The following LINGO1 variants were observed in gnomAD, a reference collection of about 807,000 sequenced individuals.
LINGO1 encodes leucine-rich repeat and immunoglobulin-like domain-containing nogo receptor-interacting protein 1.
A neutral mutation model predicts 37.3 loss-of-function variants in LINGO1; 11 were observed. The observed-to-expected ratio is 0.29, with a 90% CI of 0.19 to 0.49. LINGO1 has a LOEUF of 0.49. LINGO1 is among the 20% of genes least tolerant of loss of function. The pLI is 0.99. For missense variants in LINGO1, 585 were observed against 878.2 expected, an observed-to-expected ratio of 0.67 and a Z score of 4.22; for synonymous variants, 387 against 403.0, an observed-to-expected ratio of 0.96 and a Z score of 0.48.
At chr15:77,734,324 G>A (rs900531022) in intron 2 of LINGO1, among the ~76,000 whole-genome samples, 3 of 151,948 alleles carry the variant, frequency 2.0e-5, no homozygotes, top group Admixed American at 6.6e-5. Flanking sequence ...GGGAGAGCAT[G>A]GAATTTTTTT....
upstream of LINGO1, among the ~76,000 whole-genome samples, chr15:77,697,131 C>A (rs528744700): frequency 1.3e-5 from 2 of 152,188 alleles, no homozygotes; most frequent in Admixed American, 1.3e-4. Context: ...GCAATAGAGC[C>A]GGGGCTCAGT....
At chr15:77,815,164 C>CTA (rs1395694306) in intron 1 of LINGO1, among the ~76,000 whole-genome samples, 1 of 152,238 alleles carries the variant, frequency 6.6e-6, no homozygotes, top group East Asian at 1.9e-4. Flanking sequence ...GTGGCAGCTG[C>CTA]TATCCCTCCT....
Position 77,615,171 on chromosome 15 carries a change from T to C in LINGO1, c.736A>G (p.Ile246Val), listed in dbSNP as rs1340203362. 1.2e-6 allele frequency: 2 copies of C among 1,613,640 alleles called. No individual in the cohort carries two copies. The highest frequency in any genetic ancestry group is 1.7e-6 in the Non-Finnish European group (2 of 1,179,788). The change falls in exon 2 of 2, where the codon ATC (isoleucine) becomes GTC (valine). Residue 246 changes from isoleucine (I) to valine (V), a missense_variant. Transcript: ENST00000355300. ...GTGTCCAAGTAGGGCCAGTGGGAGA[T>C]CTCCAAGACCTTGAGTCGGTACAGC... Reference protein sequence around the residue: ...KRLYRLKVLEISHWPYLDTMT... With the variant: ...KRLYRLKVLEVSHWPYLDTMT...
At position 77,642,123 on chromosome 15, in the gene LINGO1, C is replaced by T. The variant is rs1340478748; in HGVS notation, c.-12-26223G>A. Among the ~76,000 whole-genome samples, 5 of 152,188 alleles carry T rather than the reference C, an allele frequency of 3.3e-5. No individual in the cohort carries two copies. In the South Asian group the frequency reaches 8.3e-4, roughly 25 times the overall value. On this transcript the variant is annotated intron_variant, in intron 3 of 3. Transcript: ENST00000559893. ...GCGCTCCTCCACCTCTGCCTTCCAC[C>T]CCCATATCTCAGGGGCTCCTAATTA... is the stretch of plus-strand genomic sequence containing the variant.
intron 1 of LINGO1, among the ~76,000 whole-genome samples, chr15:77,799,623 G>T (rs1238315741): frequency 6.6e-6 from 1 of 152,134 alleles, no homozygotes; most frequent in African/African-American, 2.4e-5. Context: ...TTAGGTCCTT[G>T]CCCTTTCTCT....
At chr15:77,722,839 A>C (rs1010915116) in intron 2 of LINGO1, among the ~76,000 whole-genome samples, 2 of 152,164 alleles carry the variant, frequency 1.3e-5, no homozygotes, top group African/African-American at 4.8e-5. Context: ...AGGGCACCCG[A>C]TGGATGCTCA....
chr15:77,801,739 G>C (rs2141463882), intron 1 of LINGO1, among the ~76,000 whole-genome samples: 1 of 152,246 alleles, frequency 6.6e-6, no homozygotes, highest in East Asian at 1.9e-4. Context: ...GCCCCTTCTG[G>C]AAACACTAGG....
Position 77,717,729 on chromosome 15 carries a change from T to A in LINGO1, c.-195+17263A>T, listed in dbSNP as rs910862535. Among the ~76,000 whole-genome samples, 23 of 150,696 alleles carry A rather than the reference T, an allele frequency of 1.5e-4. 1 individual carries two copies. The highest frequency in any genetic ancestry group is 5.5e-4 in the African/African-American group (23 of 41,500). On this transcript the variant is annotated intron_variant, in intron 2 of 3. Transcript: ENST00000561686. ...CCCCACCAAGCCCAGGCCCGGGCTG[T>A]TCTGCACAGGAGGGAGCCTCAGCAG...
intron 1 of LINGO1, among the ~76,000 whole-genome samples, chr15:77,805,216 G>A (rs1044250410): frequency 7.2e-5 from 11 of 152,334 alleles, no homozygotes; most frequent in Non-Finnish European, 1.0e-4. Context: ...TCAAATGCAG[G>A]CCTGCGGTGT....
At chr15:77,683,717 G>T (rs940273197) in intron 2 of LINGO1, among the ~76,000 whole-genome samples, 1 of 152,100 alleles carries the variant, frequency 6.6e-6, no homozygotes, top group Non-Finnish European at 1.5e-5. Flanking sequence ...CAGGCCAACA[G>T]CAGTGGGACA....
intron 1 of LINGO1, among the ~76,000 whole-genome samples, chr15:77,628,901 C>T (rs192577077): frequency 1.0e-3 from 156 of 152,292 alleles, no homozygotes; most frequent in African/African-American, 3.6e-3. Flanking sequence ...TCTGCACCTA[C>T]CACCTACAAG....
rs1199214653 is a variant in LINGO1 at position 77,664,382 on chromosome 15, T to C, written c.-13+12707A>G. ...ACCAGGAGCTGGTGCCCCAGGCCTG[T>C]CTGTTATGGGAAGGCCCCAGGCCTT... On this transcript the variant is annotated intron_variant, in intron 3 of 3. Transcript: ENST00000559893. Among the ~76,000 whole-genome samples, 5 of 151,650 alleles carry C rather than the reference T, an allele frequency of 3.3e-5. No individual in the cohort carries two copies. In the East Asian group the frequency reaches 5.9e-4, roughly 18 times the overall value.
chr15:77,626,834 A>G lies in LINGO1; in HGVS notation c.6+5476T>C, dbSNP rs568636530. ...CATGGGAGGCATGCAAGCTGAGACCATGGATCAAGGCTACTGCAGGAGGCC... is the reference window on the plus strand; with the variant it reads ...CATGGGAGGCATGCAAGCTGAGACCGTGGATCAAGGCTACTGCAGGAGGCC... On this transcript the variant is annotated intron_variant, in intron 1 of 1. Transcript: ENST00000355300. Among the ~76,000 whole-genome samples, 29 of 152,246 alleles carry G rather than the reference A, an allele frequency of 1.9e-4. 1 individual carries two copies. The South Asian group carries it at 4.6e-3, about 24-fold the overall frequency.
At chr15:77,718,481 C>T (rs2076011448) in intron 2 of LINGO1, among the ~76,000 whole-genome samples, 3 of 150,954 alleles carry the variant, frequency 2.0e-5, no homozygotes, top group Non-Finnish European at 4.4e-5. Context: ...CAGGACCACA[C>T]ACATGTATGT....
intron 1 of LINGO1, among the ~76,000 whole-genome samples, chr15:77,694,906 G>A (rs2075663821): frequency 6.6e-6 from 1 of 152,210 alleles, no homozygotes; most frequent in African/African-American, 2.4e-5. Flanking sequence ...GGAGTGTCAG[G>A]AGGTGGGGTC....
At chr15:77,768,275 C>G (rs542234949) in intron 1 of LINGO1, among the ~76,000 whole-genome samples, 1 of 57,794 alleles carries the variant, frequency 1.7e-5, no homozygotes, top group South Asian at 6.0e-4. Context: ...TGCAGGGTCC[C>G]CGGGCAGACA....
upstream of LINGO1, among the ~76,000 whole-genome samples, chr15:77,791,361 G>T (rs1201831921): frequency 2.7e-5 from 4 of 145,896 alleles, no homozygotes; most frequent in Non-Finnish European, 6.0e-5. Context: ...AGGCACACGT[G>T]GACACGCAAA....
intron 2 of LINGO1, among the ~76,000 whole-genome samples, chr15:77,708,038 C>G (rs1189790166): frequency 6.6e-6 from 1 of 152,232 alleles, no homozygotes; most frequent in African/African-American, 2.4e-5. Context: ...CCCAGAATTT[C>G]TGTCTTGCAC....
chr15:77,776,605 G>T (rs1292283594), intron 1 of LINGO1, among the ~76,000 whole-genome samples: 2 of 151,516 alleles, frequency 1.3e-5, no homozygotes, highest in Admixed American at 1.3e-4. Flanking sequence ...AATATAACAG[G>T]CCCTTTGCAT....
Sources: gnomAD v4.1 joint callset for allele counts (sites outside exome capture counted in the v4.1 genomes callset) on GRCh38, gnomAD v4.1.1 for gene constraint, MANE v1.5 for transcripts, NCBI Gene and HGNC (gene_info 2026-07-23, HGNC 2026-07-21) for gene names.